PCSK2: variants seen among roughly 807,000 people sequenced by gnomAD.
PCSK2 encodes proprotein convertase subtilisin/kexin type 2, also known as neuroendocrine convertase 2.
A neutral mutation model predicts 69.7 loss-of-function variants in PCSK2; 14 were observed. That is an observed-to-expected ratio of 0.20 (90% CI 0.13 to 0.31). The LOEUF (loss-of-function observed/expected upper bound fraction) is 0.31. Among genes scored for constraint, PCSK2 ranks in the 10% least tolerant of loss-of-function variants. PCSK2 has a pLI of 1.00. For missense variants in PCSK2, 544 were observed against 842.5 expected, an observed-to-expected ratio of 0.65 and a Z score of 4.39; for synonymous variants, 307 against 320.7, an observed-to-expected ratio of 0.96 and a Z score of 0.46.
At chr20:17,237,747 G>A (rs1426428658) in intron 1 of PCSK2, among the ~76,000 whole-genome samples, 1 of 152,096 alleles carries the variant, frequency 6.6e-6, no homozygotes. Flanking sequence ...GTAGAGGAGT[G>A]GGGAATTGAG....
chr20:17,239,841 C>CTTTTTTTTTTTT (rs869179656), intron 1 of PCSK2, among the ~76,000 whole-genome samples: 6 of 68,660 alleles, frequency 8.7e-5, no homozygotes, highest in African/African-American at 3.3e-4. Flanking sequence ...GGTGAAAACA[C>CTTTTTTTTTTTT]TTTTTTTTTT....
Position 17,452,171 on chromosome 20 carries a change from C to T in PCSK2, c.886-1571C>T, listed in dbSNP as rs556415252. Among the ~76,000 whole-genome samples the T allele has an allele frequency of 2.6e-5, 4 of 152,106 alleles. No individual in the cohort carries two copies. In the South Asian group the frequency reaches 6.2e-4, roughly 24 times the overall value. On this transcript the variant is annotated intron_variant, in intron 8 of 11. Transcript: ENST00000262545. ...CTGGGATTACAGGCATGAACCACCGCGCCCGGCCACACTTTTGCTATTTCT... is the reference window on the plus strand; with the variant it reads ...CTGGGATTACAGGCATGAACCACCGTGCCCGGCCACACTTTTGCTATTTCT...
At chr20:17,371,523 T>C (rs1488020276) in intron 5 of PCSK2, among the ~76,000 whole-genome samples, 3 of 152,214 alleles carry the variant, frequency 2.0e-5, no homozygotes, top group African/African-American at 7.2e-5. Context: ...TTTTCTTTCT[T>C]AAGAACATTT....
intron 9 of PCSK2, among the ~76,000 whole-genome samples, chr20:17,454,338 A>G (rs995270842): frequency 1.3e-5 from 2 of 152,130 alleles, no homozygotes; most frequent in African/African-American, 4.8e-5. Flanking sequence ...TGAAACAAGA[A>G]CCCATCTGTT....
At chr20:17,244,337 C>T (rs544823082) in intron 1 of PCSK2, among the ~76,000 whole-genome samples, 22 of 152,318 alleles carry the variant, frequency 1.4e-4, no homozygotes, top group African/African-American at 4.6e-4. Context: ...GTCTCTCCCT[C>T]TATGAAATAG....
intron 7 of PCSK2, among the ~76,000 whole-genome samples, chr20:17,434,866 A>T (rs1341529948): frequency 6.6e-6 from 1 of 152,210 alleles, no homozygotes; most frequent in Non-Finnish European, 1.5e-5. Flanking sequence ...GCACAAGAAG[A>T]AGCTGCACTG....
chr20:17,436,653 T>C (rs2032489211), intron 7 of PCSK2, 55 bp from the exon 8 acceptor site: 1 of 1,505,856 alleles, frequency 6.6e-7, no homozygotes, highest in African/African-American at 1.4e-5. Context: ...CACCTCCTTG[T>C]CTCCTGCGAA....
At chr20:17,451,950 G>A (rs905149787) in intron 8 of PCSK2, among the ~76,000 whole-genome samples, 10 of 125,892 alleles carry the variant, frequency 7.9e-5, no homozygotes, top group Non-Finnish European at 1.4e-4. Flanking sequence ...ATGGGGTCTC[G>A]TTCTGTCACC....
intron 8 of PCSK2, among the ~76,000 whole-genome samples, chr20:17,450,317 C>A (rs953923515): frequency 2.6e-5 from 4 of 152,102 alleles, no homozygotes; most frequent in African/African-American, 9.7e-5. Context: ...CATGAGACAC[C>A]GCGCCCGGCT....
intron 2 of PCSK2, among the ~76,000 whole-genome samples, chr20:17,347,791 A>T (rs1159073304): frequency 4.2e-5 from 1 of 23,536 alleles, no homozygotes; most frequent in African/African-American, 1.8e-4. Flanking sequence ...CATAGACGAA[A>T]GAAAGAAAGA....
At position 17,408,202 on chromosome 20, in the gene PCSK2, G is replaced by T. The variant is rs1239364400; in HGVS notation, c.544-1061G>T. ...TACTGTGAACCAAGAAGCCATCTGGGGTCTTCATTTCAGACCCCCAAAACA... is the reference window on the plus strand; with the variant it reads ...TACTGTGAACCAAGAAGCCATCTGGTGTCTTCATTTCAGACCCCCAAAACA... On this transcript the variant is annotated intron_variant, in intron 5 of 11. Transcript: ENST00000262545. Among the ~76,000 whole-genome samples, 4 of 151,924 alleles carry T rather than the reference G, an allele frequency of 2.6e-5. No individual in the cohort carries two copies. In the South Asian group the frequency reaches 6.2e-4, roughly 24 times the overall value.
At chr20:17,262,920 A>G (rs910750055) in intron 2 of PCSK2, among the ~76,000 whole-genome samples, 2 of 152,150 alleles carry the variant, frequency 1.3e-5, no homozygotes, top group African/African-American at 2.4e-5. Flanking sequence ...GCTAACGTTA[A>G]CTACGGTTGC....
At chr20:17,368,757 C>A (rs2030673618) in intron 4 of PCSK2, among the ~76,000 whole-genome samples, 1 of 152,214 alleles carries the variant, frequency 6.6e-6, no homozygotes, top group African/African-American at 2.4e-5. Context: ...CAGCTCCCAA[C>A]CAGCAACACC....
chr20:17,481,388 C>CAAAAAAAAAA (rs3076146), intron 11 of PCSK2, among the ~76,000 whole-genome samples, 196 bp from the exon 12 acceptor site: 4 of 65,690 alleles, frequency 6.1e-5, no homozygotes, highest in African/African-American at 2.3e-4. Flanking sequence ...TCTCAAAAGA[C>CAAAAAAAAAA]AAAAAAAAAA....
chr20:17,466,537 AACTGC>A (rs1330345344), intron 11 of PCSK2, among the ~76,000 whole-genome samples: 1 of 152,198 alleles, frequency 6.6e-6, no homozygotes, highest in Admixed American at 6.5e-5. Flanking sequence ...AGCGTTAGTC[AACTGC>A]ACCCACTTCC....
chr20:17,419,242 T>G lies in PCSK2; in HGVS notation c.620+9903T>G, dbSNP rs149753700. 2.3e-4 allele frequency among the ~76,000 whole-genome samples: 35 copies of G among 152,358 alleles called. No individual in the cohort carries two copies. In the East Asian group the frequency reaches 6.6e-3, roughly 29 times the overall value. On this transcript the variant is annotated intron_variant, in intron 6 of 11. Transcript: ENST00000262545. Reference sequence around the variant, plus strand: ...CTTTTAGGGAATGTGTATATTAGAATAGCTTGCCTTGTGCTCGATTTGCTT... The same window carrying G: ...CTTTTAGGGAATGTGTATATTAGAAGAGCTTGCCTTGTGCTCGATTTGCTT...
intron 2 of PCSK2, among the ~76,000 whole-genome samples, chr20:17,318,020 A>G (rs986691952): frequency 6.6e-6 from 1 of 152,212 alleles, no homozygotes; most frequent in Non-Finnish European, 1.5e-5. Context: ...TGTGTCATTC[A>G]AATTTGTTTT....
In PCSK2 at chr20:17,479,288, C is replaced by T. The variant is rs948146293; in HGVS notation, c.1431-2296C>T. 7 of 934,206 alleles carry T rather than the reference C, an allele frequency of 7.5e-6. No individual in the cohort carries two copies. The Admixed American group carries it at 1.0e-4, about 14-fold the overall frequency. 57.9% of individuals were successfully genotyped at this position (934,206 alleles called of 1,614,324 possible). On this transcript the variant is annotated intron_variant, in intron 11 of 11. Coordinates refer to ENST00000262545, the MANE Select transcript of PCSK2 (RefSeq NM_002594.5). ...TAGGCAGATGTGTTAACGATAATTC[C>T]ACTATGCTTGCGGTCCACTGGTTGA...
chr20:17,333,816 G>C (rs1990266174), intron 2 of PCSK2, among the ~76,000 whole-genome samples: 1 of 150,442 alleles, frequency 6.6e-6, no homozygotes, highest in African/African-American at 2.4e-5. Flanking sequence ...TTAAATAAGT[G>C]TAAAGGGCTA....
Sources: gnomAD v4.1 joint callset for allele counts (sites outside exome capture counted in the v4.1 genomes callset) on GRCh38, gnomAD v4.1.1 for gene constraint, MANE v1.5 for transcripts, NCBI Gene and HGNC (gene_info 2026-07-23, HGNC 2026-07-21) for gene names.